Variants in AGTPBP1 observed in about 807,000 individuals in gnomAD.
AGTPBP1 encodes the protein ATP/GTP binding carboxypeptidase 1, also known as cytosolic carboxypeptidase 1.
A neutral mutation model predicts 143.9 loss-of-function variants in AGTPBP1; 70 were observed. The ratio of observed to expected loss-of-function variants is 0.49; its 90% CI spans 0.40 to 0.59. The LOEUF is 0.59. Among genes scored for constraint, AGTPBP1 ranks in the 20% least tolerant of loss-of-function variants. AGTPBP1 has a pLI of 0.00. For missense variants in AGTPBP1, 1,229 were observed against 1,464.5 expected, an observed-to-expected ratio of 0.84 and a Z score of 2.62; for synonymous variants, 463 against 500.2, an observed-to-expected ratio of 0.93 and a Z score of 0.99.
At chr9:85,661,513 A>G (rs1833855294) in intron 8 of AGTPBP1, among the ~76,000 whole-genome samples, 1 of 152,108 alleles carries the variant, frequency 6.6e-6, no homozygotes, top group South Asian at 2.1e-4. Context: ...GAGAAGTATC[A>G]GCCCTTAACA....
chr9:85,585,664 T>C, intron 22 of AGTPBP1, 70 bp from the exon 23 acceptor site: 1 of 1,286,630 alleles, frequency 7.8e-7, no homozygotes, highest in Middle Eastern at 2.3e-4. Context: ...GTAGTTAATA[T>C]CAAGCCAATA....
chr9:85,719,672 C>T (rs1419845136), intron 1 of AGTPBP1, among the ~76,000 whole-genome samples: 3 of 152,196 alleles, frequency 2.0e-5, no homozygotes, highest in African/African-American at 4.8e-5. Flanking sequence ...TGCCTGATTG[C>T]CCTGGCCAGA....
chr9:85,660,777 C>T (rs1003673115), intron 9 of AGTPBP1, among the ~76,000 whole-genome samples, 159 bp downstream of exon 9: 1 of 151,986 alleles, frequency 6.6e-6, no homozygotes, highest in African/African-American at 2.4e-5. Context: ...AGTTATGATG[C>T]ACATCAACTA....
At chr9:85,600,597 G>A (rs1213863591) in intron 17 of AGTPBP1, among the ~76,000 whole-genome samples, 5 of 152,110 alleles carry the variant, frequency 3.3e-5, no homozygotes, top group African/African-American at 9.7e-5. Flanking sequence ...AAGGGTAAGT[G>A]AGATTCTCAG....
At chr9:85,549,019 T>G (rs1015081842) in intron 25 of AGTPBP1, among the ~76,000 whole-genome samples, 3 of 152,176 alleles carry the variant, frequency 2.0e-5, no homozygotes, top group African/African-American at 7.2e-5. Flanking sequence ...TTTTGAAATA[T>G]AATAATTCAT....
chr9:85,589,904 CG>C (rs977379655), intron 19 of AGTPBP1, among the ~76,000 whole-genome samples: 3 of 151,998 alleles, frequency 2.0e-5, no homozygotes, highest in African/African-American at 7.2e-5. Flanking sequence ...CCAATAGGGT[CG>C]GGGTAGCAAT....
intron 13 of AGTPBP1, among the ~76,000 whole-genome samples, chr9:85,640,032 T>C (rs1240890636): frequency 1.3e-5 from 2 of 152,216 alleles, no homozygotes; most frequent in Non-Finnish European, 2.9e-5. Flanking sequence ...TAAGCATTAA[T>C]GGTTGATGCT....
At chr9:85,641,805 T>C (rs1286437520) in intron 13 of AGTPBP1, among the ~76,000 whole-genome samples, 1 of 152,010 alleles carries the variant, frequency 6.6e-6, no homozygotes, top group Non-Finnish European at 1.5e-5. Context: ...GGTCAAGAGA[T>C]TCTCCTGCCT....
At chr9:85,793,752 T>A in the AGTPBP1 span, among the ~76,000 whole-genome samples, 2 of 152,246 alleles carry the variant, frequency 1.3e-5, no homozygotes, top group South Asian at 2.1e-4. Flanking sequence ...ATTATGTGAG[T>A]TTAGTTGGCC....
chr9:85,786,354 T>C, the AGTPBP1 span: 21 of 1,613,842 alleles, frequency 1.3e-5, no homozygotes, highest in Middle Eastern at 1.6e-4. Context: ...CAGAAACAGA[T>C]GATAATCAGT....
chr9:85,702,975 A>G (rs1465506699), intron 2 of AGTPBP1, among the ~76,000 whole-genome samples: 1 of 152,190 alleles, frequency 6.6e-6, no homozygotes, highest in Non-Finnish European at 1.5e-5. Flanking sequence ...AAACTGTTGC[A>G]AAACAATTTA....
At chr9:85,742,740 C>T (rs527745661), upstream of AGTPBP1, among the ~76,000 whole-genome samples, 8 of 152,296 alleles carry the variant, frequency 5.3e-5, no homozygotes, top group South Asian at 1.7e-3. Context: ...TACTAATACA[C>T]CCCCTTCTGT....
the AGTPBP1 span, among the ~76,000 whole-genome samples, chr9:85,777,478 T>C: frequency 4.7e-4 from 71 of 152,268 alleles, 1 homozygote; most frequent in African/African-American, 1.3e-3. Flanking sequence ...TGGAAGTCCA[T>C]GTTGCTGAGC....
chr9:85,625,712 C>A (rs980029390), intron 14 of AGTPBP1, among the ~76,000 whole-genome samples: 2 of 151,520 alleles, frequency 1.3e-5, no homozygotes, highest in Non-Finnish European at 2.9e-5. Flanking sequence ...AGTGAAACCC[C>A]ATCTCTACTA....
chr9:85,798,524 G>A, the AGTPBP1 span, among the ~76,000 whole-genome samples: 1,110 of 151,484 alleles, frequency 7.3e-3, 43 homozygotes, highest in Admixed American at 0.063. Flanking sequence ...GTGCCACCAC[G>A]CGCAGCTACT....
At chr9:85,794,546 T>A in the AGTPBP1 span, among the ~76,000 whole-genome samples, 1 of 152,226 alleles carries the variant, frequency 6.6e-6, no homozygotes, top group Non-Finnish European at 1.5e-5. Context: ...TACCACACTG[T>A]CTTGATTATG....
intron 23 of AGTPBP1, 66 bp from the exon 24 acceptor site, chr9:85,579,162 TA>T (rs1828082860): frequency 2.0e-6 from 3 of 1,474,192 alleles, no homozygotes; most frequent in Admixed American, 5.5e-5. Flanking sequence ...TTTTTAATTT[TA>T]AAAAGTTTTG....
chr9:85,657,102 G>C (rs1833560013), intron 10 of AGTPBP1, among the ~76,000 whole-genome samples: 1 of 151,092 alleles, frequency 6.6e-6, no homozygotes, highest in African/African-American at 2.4e-5. Context: ...AGTGGGTGCA[G>C]TGCACCAGCA....
rs768587414 is a variant in AGTPBP1 at position 85,720,410 on chromosome 9, A to AT, written c.-33-7845dup. Among the ~76,000 whole-genome samples, 22 of 152,298 alleles carry AT rather than the reference A, an allele frequency of 1.4e-4. No homozygotes were observed. The East Asian group carries it at 2.1e-3, about 15-fold the overall frequency. Reference sequence around the variant, plus strand: ...CTTGGGAGGGTGTATGTGTCCAGGAATTTATCCATTTCTTCTAGATTTTCT... The same window carrying AT: ...CTTGGGAGGGTGTATGTGTCCAGGAATTTTATCCATTTCTTCTAGATTTTCT... On this transcript the variant is annotated intron_variant, in intron 1 of 25. Coordinates refer to ENST00000357081, the MANE Select transcript of AGTPBP1 (RefSeq NM_001330701.2).
Sources: gnomAD v4.1 joint callset for allele counts (sites outside exome capture counted in the v4.1 genomes callset) on GRCh38, gnomAD v4.1.1 for gene constraint, MANE v1.5 for transcripts, NCBI Gene and HGNC (gene_info 2026-07-23, HGNC 2026-07-21) for gene names.